TBX5: variants seen among roughly 807,000 people sequenced by gnomAD.
TBX5 encodes the protein T-box transcription factor 5.
In TBX5, 8 loss-of-function variants were observed where a neutral mutation model predicts 51.1. The ratio of observed to expected loss-of-function variants is 0.16; its 90% CI spans 0.09 to 0.28. The LOEUF is 0.28. Ranked by LOEUF, TBX5 falls within the 10% of genes least tolerant of loss-of-function variation. The probability of loss-of-function intolerance (pLI) is 1.00; values close to 1 mark genes in which losing one functional copy is unlikely to be tolerated. For missense variants in TBX5, 589 were observed against 671.7 expected (o/e 0.88, Z 1.36); for synonymous variants, 302 against 266.4 (o/e 1.13, Z -1.30).
At chr12:114,399,403 A>G in intron 4 of TBX5, 110 bp downstream of exon 4, 1 of 1,505,046 alleles carries the variant, frequency 6.6e-7, no homozygotes, top group Admixed American at 1.7e-5. Flanking sequence ...CCTTTAGCAC[A>G]CAGTAGGAAC....
intron 3 of TBX5, among the ~76,000 whole-genome samples, chr12:114,401,593 C>T (rs1232933919): frequency 6.6e-6 from 1 of 152,168 alleles, no homozygotes; most frequent in Non-Finnish European, 1.5e-5. Flanking sequence ...CGGGCTTGAA[C>T]TTCTGGAGTA....
At chr12:114,401,753 C>T (rs1184598084) in intron 3 of TBX5, 73 bp downstream of exon 3, 14 of 1,444,864 alleles carry the variant, frequency 9.7e-6, no homozygotes, top group Admixed American at 3.4e-5. Context: ...TCTTCTCTTC[C>T]AAGCCACCTT....
chr12:114,399,568 G>C lies in TBX5; in HGVS notation c.307C>G (p.Leu103Val), dbSNP rs748009824. The C allele has an allele frequency of 6.2e-7, 1 of 1,614,140 alleles. No homozygotes were observed. The highest frequency in any genetic ancestry group is 8.5e-7 in the Non-Finnish European group (1 of 1,180,042). ...GLNPKTKYIL[L>V]MDIVPADDHR... ...TCGTCGGCAGGTACAATGTCCATGA[G>C]AAGAATGTACTTCGTTTTGGGATTA... is the stretch of plus-strand genomic sequence containing the variant. The change falls in exon 4 of 9, where the codon CTC becomes GTC. Residue 103 changes from leucine (L) to valine (V), a missense_variant. Leu to Val is a conservative substitution (Grantham distance 32). Around this residue, in one of 7 missense-constraint regions of TBX5, gnomAD observed 85 missense variants for 95.6 expected, o/e 0.89. Transcript: ENST00000405440.
chr12:114,366,298 G>A lies in TBX5; in HGVS notation c.849C>T (p.Thr283=). 6.2e-7 allele frequency: 1 copy of A among 1,614,134 alleles called. No homozygotes were observed. Among genetic ancestry groups the A allele is most frequent in the Non-Finnish European group, 8.5e-7 (1 of 1,180,032 alleles). Residue 283 remains threonine, a synonymous_variant, in exon 8 of 9, where the codon ACC becomes ACT. Transcript: ENST00000405440. ...GGTATTGGGACCCCAAATTGGATGA[G>A]GTGGAGAGAGCTCGAGACTCGCTGC... is the stretch of plus-strand genomic sequence containing the variant. ...PFSSESRALS[T]SSNLGSQYQC... is the part of the protein sequence containing the mutation.
At chr12:114,378,542 T>C (rs970883478) in intron 7 of TBX5, among the ~76,000 whole-genome samples, 1 of 152,226 alleles carries the variant, frequency 6.6e-6, no homozygotes, top group Non-Finnish European at 1.5e-5. Context: ...GAGGCAGTTT[T>C]AAAATGCGTC....
At chr12:114,404,579 T>G (rs1256196984) in intron 1 of TBX5, among the ~76,000 whole-genome samples, 2 of 152,126 alleles carry the variant, frequency 1.3e-5, no homozygotes, top group African/African-American at 4.8e-5. Flanking sequence ...AAAAGTCCTT[T>G]AAAATTAAAC....
intron 1 of TBX5, among the ~76,000 whole-genome samples, chr12:114,405,117 C>G (rs943499437): frequency 6.6e-6 from 1 of 152,238 alleles, no homozygotes. Flanking sequence ...GCTGCTTAAG[C>G]AAGCGGCCAG....
chr12:114,392,637 G>T (rs548684508), intron 6 of TBX5, among the ~76,000 whole-genome samples: 1 of 152,088 alleles, frequency 6.6e-6, no homozygotes, highest in Non-Finnish European at 1.5e-5. Flanking sequence ...AGGGGGAAAA[G>T]ATCTCATATA....
chr12:114,390,950 C>T (rs1272844931), intron 6 of TBX5, among the ~76,000 whole-genome samples: 2 of 152,164 alleles, frequency 1.3e-5, no homozygotes, highest in African/African-American at 4.8e-5. Flanking sequence ...AGTCCCAAAT[C>T]CAGCCCGAGA....
At chr12:114,365,538 TA>T (rs869256417) in intron 8 of TBX5, among the ~76,000 whole-genome samples, 4 of 152,056 alleles carry the variant, frequency 2.6e-5, no homozygotes, top group East Asian at 1.9e-4. Flanking sequence ...TAAAAGTTTT[TA>T]AAAAAAATTT....
Position 114,403,937 on chromosome 12 carries a change from C to T in TBX5, c.-38-1G>A. 6.2e-7 allele frequency: 1 copy of T among 1,603,412 alleles called. No homozygotes were observed. Among genetic ancestry groups the T allele is most frequent in the Non-Finnish European group, 8.5e-7 (1 of 1,179,042 alleles). On this transcript the variant is annotated splice_acceptor_variant, in intron 1 of 8. Coordinates refer to ENST00000405440, the MANE Select transcript of TBX5 (RefSeq NM_181486.4). LOFTEE classifies it low-confidence loss of function (5UTR_SPLICE). ...CCCTGTGCCCGCGCAAGGTTCTGCT[C>T]TGAGGACAAGAAGCAGGGGGAGATG...
At position 114,386,478 on chromosome 12, in the gene TBX5, T is replaced by C. The variant is rs571926567; in HGVS notation, c.664-911A>G. Among the ~76,000 whole-genome samples, 75 of 152,304 alleles carry C rather than the reference T, an allele frequency of 4.9e-4. 1 individual carries two copies. Among genetic ancestry groups the C allele is most frequent in the South Asian group, 8.3e-4 (4 of 4,828 alleles). On this transcript the variant is annotated intron_variant, in intron 6 of 8. Coordinates refer to ENST00000405440, the MANE Select transcript of TBX5 (RefSeq NM_181486.4). ...GAGAGCAGCATGACTCAAACTTCAGTCATTCAAGGTTTTCTTTCACTATTA... is the reference window on the plus strand; with the variant it reads ...GAGAGCAGCATGACTCAAACTTCAGCCATTCAAGGTTTTCTTTCACTATTA...
At chr12:114,369,736 G>C (rs529048066) in intron 7 of TBX5, among the ~76,000 whole-genome samples, 1 of 152,082 alleles carries the variant, frequency 6.6e-6, no homozygotes, top group African/African-American at 2.4e-5. Context: ...AAGGACACAA[G>C]AGAATTAAAG....
rs1050753046 is a variant in TBX5 at position 114,403,225 on chromosome 12, G to T, written c.147+527C>A. ...CGCGCCAGCCAGCCAGGCCCCGACCGCAAGACAAATGGTGCGGCGCGCGGG... is the reference window on the plus strand; with the variant it reads ...CGCGCCAGCCAGCCAGGCCCCGACCTCAAGACAAATGGTGCGGCGCGCGGG... On this transcript the variant is annotated intron_variant, in intron 2 of 8. Transcript: ENST00000405440. Among the ~76,000 whole-genome samples the T allele has an allele frequency of 2.7e-4, 41 of 152,222 alleles. 1 individual carries two copies. The highest frequency in any genetic ancestry group is 2.6e-3 in the Admixed American group (40 of 15,286).
chr12:114,405,865 C>T lies in TBX5; in HGVS notation c.-276G>A. On this transcript the variant is annotated 5_prime_UTR_variant, in exon 1 of 9. Coordinates refer to ENST00000405440, the MANE Select transcript of TBX5 (RefSeq NM_181486.4). ...GCGCTTGCTCTCCCTAAATACTTCCCAGTTGGCAAGCGCCAAAGAACACAA... is the reference window on the plus strand; with the variant it reads ...GCGCTTGCTCTCCCTAAATACTTCCTAGTTGGCAAGCGCCAAAGAACACAA... 1 of 985,508 alleles carries T rather than the reference C, an allele frequency of 1.0e-6. No homozygotes were observed. Among genetic ancestry groups the T allele is most frequent in the Non-Finnish European group, 1.2e-6 (1 of 829,994 alleles). The allele number at this position is 985,508 out of a possible 1,614,324, so 61.0% of individuals were successfully genotyped here.
At chr12:114,373,653 T>G (rs1176658727) in intron 7 of TBX5, among the ~76,000 whole-genome samples, 2 of 152,158 alleles carry the variant, frequency 1.3e-5, no homozygotes, top group African/African-American at 4.8e-5. Flanking sequence ...GAGGCGGGGT[T>G]TCACCATGTT....
At chr12:114,385,690 T>C in intron 6 of TBX5, 123 bp from the exon 7 acceptor site, 1 of 816,030 alleles carries the variant, frequency 1.2e-6, no homozygotes, top group Non-Finnish European at 2.1e-6. Context: ...AGAAGCAAAT[T>C]AAGCCAGTCA....
chr12:114,388,675 CGTGTGTGT>C (rs59385091), intron 6 of TBX5, among the ~76,000 whole-genome samples: 4,537 of 124,290 alleles, frequency 0.037, 192 homozygotes, highest in African/African-American at 0.11. Flanking sequence ...TTAAAGTATC[CGTGTGTGT>C]GTGTGTGTGT....
In TBX5 at chr12:114,403,867, G is replaced by T. The variant is rs1382901395; in HGVS notation, c.32C>A (p.Ala11Glu). Residue 11 changes from alanine (A) to glutamate (E), a missense_variant, in exon 2 of 9, where the codon GCG becomes GAG. Around this residue, in one of 7 missense-constraint regions of TBX5, gnomAD observed 101 missense variants for 83.3 expected, o/e 1.21. Transcript: ENST00000405440. MADADEGFGLAHTPLEPDAKD... is the reference protein window; with the variant it reads MADADEGFGLEHTPLEPDAKD... ...TGCGTCAGGCTCCAGAGGCGTGTGC[G>T]CCAGGCCAAAGCCCTCGTCTGCGTC... is the stretch of plus-strand genomic sequence containing the variant. 1.2e-6 allele frequency: 2 copies of T among 1,613,514 alleles called. No individual in the cohort carries two copies. The highest frequency in any genetic ancestry group is 1.7e-6 in the Non-Finnish European group (2 of 1,179,940).
Sources: gnomAD v4.1 joint callset for allele counts (sites outside exome capture counted in the v4.1 genomes callset) on GRCh38, gnomAD v4.1.1 for gene constraint, gnomAD v4.1.1 regional missense constraint, MANE v1.5 for transcripts, NCBI Gene and HGNC (gene_info 2026-07-23, HGNC 2026-07-21) for gene names.